The following PPP2CA variants were observed in gnomAD, a reference collection of about 807,000 sequenced individuals.
The protein encoded by PPP2CA is protein phosphatase 2 catalytic subunit alpha.
A neutral mutation model predicts 38.8 loss-of-function variants in PPP2CA; 5 were observed. The observed-to-expected ratio is 0.13, with a 90% CI of 0.07 to 0.27. The LOEUF is 0.27. PPP2CA is among the 10% of genes least tolerant of loss of function. The pLI is 1.00. For missense variants in PPP2CA, 88 were observed against 389.7 expected, an observed-to-expected ratio of 0.23 and a Z score of 6.52; for synonymous variants, 152 against 134.0, an observed-to-expected ratio of 1.13 and a Z score of -0.93.
intron 5 of PPP2CA, 163 bp from the exon 6 acceptor site, chr5:134,199,367 TTA>T: frequency 1.8e-6 from 1 of 564,988 alleles, no homozygotes; most frequent in Non-Finnish European, 3.2e-6. Context: ...CTCCTGTACT[TTA>T]TACAACCTGT....
At chr5:134,204,980 T>TA in intron 2 of PPP2CA, among the ~76,000 whole-genome samples, 1 of 151,490 alleles carries the variant, frequency 6.6e-6, no homozygotes, top group Admixed American at 6.6e-5. Flanking sequence ...TTCCCCAAGT[T>TA]AGAGTGTAGG....
intron 1 of PPP2CA, chr5:134,225,450 C>G (rs1239693964): frequency 3.5e-6 from 1 of 288,900 alleles, no homozygotes; most frequent in Non-Finnish European, 6.6e-6. Context: ...CCCTCAAAAC[C>G]GTCCCTGACG....
intron 5 of PPP2CA, among the ~76,000 whole-genome samples, chr5:134,200,131 T>C (rs1052470031): frequency 2.0e-5 from 3 of 152,246 alleles, no homozygotes; most frequent in Admixed American, 1.3e-4. Context: ...TCTGAAAACA[T>C]GTTAATGGAT....
At chr5:134,204,908 T>C (rs755660446) in intron 2 of PPP2CA, among the ~76,000 whole-genome samples, 5 of 151,244 alleles carry the variant, frequency 3.3e-5, no homozygotes, top group Non-Finnish European at 7.4e-5. Context: ...TCAGAAAAAT[T>C]CTTTTTTTTC....
intron 2 of PPP2CA, 90 bp from the exon 3 acceptor site, chr5:134,202,111 A>G (rs1761979663): frequency 4.5e-6 from 6 of 1,347,392 alleles, no homozygotes; most frequent in Non-Finnish European, 5.0e-6. Context: ...AAATGCAGTT[A>G]CAATTTTGTT....
chr5:134,208,926 T>C (rs1254288384), intron 1 of PPP2CA, among the ~76,000 whole-genome samples: 2 of 152,196 alleles, frequency 1.3e-5, no homozygotes. Context: ...AGGCAGAGTA[T>C]TCCCCTGACC....
chr5:134,214,045 T>C (rs1043710096), intron 1 of PPP2CA, among the ~76,000 whole-genome samples: 1 of 152,030 alleles, frequency 6.6e-6, no homozygotes, highest in Non-Finnish European at 1.5e-5. Flanking sequence ...ATGAGAATTA[T>C]TGGAACCCAG....
chr5:134,212,122 T>TAGTAAC (rs1285529414), intron 1 of PPP2CA, among the ~76,000 whole-genome samples: 38 of 151,482 alleles, frequency 2.5e-4, no homozygotes, highest in South Asian at 6.3e-4. Context: ...ATCTCAAAAA[T>TAGTAAC]AGTAATTTCC....
chr5:134,200,861 G>C (rs1333276669), intron 4 of PPP2CA, 124 bp downstream of exon 4: 1 of 781,648 alleles, frequency 1.3e-6, no homozygotes, highest in East Asian at 2.7e-5. Context: ...GGGCAGACAA[G>C]AGTGCTCACA....
chr5:134,222,341 G>GC (rs1448507840), intron 1 of PPP2CA, among the ~76,000 whole-genome samples: 2 of 152,088 alleles, frequency 1.3e-5, no homozygotes, highest in African/African-American at 4.8e-5. Flanking sequence ...CATACTCACA[G>GC]CAACATATTA....
chr5:134,219,674 C>G (rs1396999500), intron 1 of PPP2CA, among the ~76,000 whole-genome samples: 2 of 152,116 alleles, frequency 1.3e-5, no homozygotes, highest in African/African-American at 2.4e-5. Context: ...AACCACAATC[C>G]ACAACAGACC....
chr5:134,196,517 T>C lies in PPP2CA; in HGVS notation c.*1255A>G, dbSNP rs1348907402. 1 of 152,244 alleles carries C rather than the reference T, an allele frequency of 6.6e-6. No individual in the cohort carries two copies. Among genetic ancestry groups the C allele is most frequent in the Non-Finnish European group, 1.5e-5 (1 of 68,042 alleles). 9.4% of individuals were successfully genotyped at this position (152,244 alleles called of 1,614,324 possible). Reference sequence around the variant, plus strand: ...ACAATAGTTTTCTATTTGGTTTCACTAGTATCACTCAAAGAACTTGACACA... The same window carrying C: ...ACAATAGTTTTCTATTTGGTTTCACCAGTATCACTCAAAGAACTTGACACA... On this transcript the variant is annotated 3_prime_UTR_variant, in exon 7 of 7. Coordinates refer to ENST00000481195, the MANE Select transcript of PPP2CA (RefSeq NM_002715.4).
chr5:134,216,111 G>A (rs1762314845), intron 1 of PPP2CA, among the ~76,000 whole-genome samples: 1 of 152,134 alleles, frequency 6.6e-6, no homozygotes, highest in African/African-American at 2.4e-5. Context: ...ACCAATTCTG[G>A]CACTAAAGTA....
Position 134,214,863 on chromosome 5 carries a change from T to C in PPP2CA, c.103-8732A>G, listed in dbSNP as rs1203225295. On this transcript the variant is annotated intron_variant, in intron 1 of 6. Transcript: ENST00000481195. ...ACAATTATTAAGAAAAGTTATCACG[T>C]CTTGCCATTTTCTAAGAGTTTTTCA... Among the ~76,000 whole-genome samples, 5 of 152,274 alleles carry C rather than the reference T, an allele frequency of 3.3e-5. No homozygotes were observed. In the East Asian group the frequency reaches 9.6e-4, roughly 29 times the overall value.
At chr5:134,203,398 G>C (rs1762009173) in intron 2 of PPP2CA, 1 of 152,192 alleles carries the variant, frequency 6.6e-6, no homozygotes, top group Non-Finnish European at 1.5e-5. Context: ...AAGCATCAGA[G>C]AATAGGTGGC....
At chr5:134,216,537 CAAAAAAAAA>C (rs748030385) in intron 1 of PPP2CA, among the ~76,000 whole-genome samples, 1 of 29,574 alleles carries the variant, frequency 3.4e-5, no homozygotes, top group African/African-American at 1.2e-4. Flanking sequence ...GAGACTGCCT[CAAAAAAAAA>C]AAAAAAAAAA....
At chr5:134,207,209 G>C (rs1485028335) in intron 1 of PPP2CA, among the ~76,000 whole-genome samples, 1 of 152,206 alleles carries the variant, frequency 6.6e-6, no homozygotes, top group African/African-American at 2.4e-5. Flanking sequence ...TTTGAGGCCA[G>C]CCTGGCCATC....
chr5:134,226,046 G>GCTGAGGCTCCAGAGCTCGGCTCT lies in PPP2CA; in HGVS notation c.-208_-186dup. ...GGCCGCTGCGCCTCCTCCTCCGCTC[G>GCTGAGGCTCCAGAGCTCGGCTCT]CTGAGGCTCCAGAGCTCGGCTCTCT... On this transcript the variant is annotated 5_prime_UTR_variant, in exon 1 of 7. Transcript: ENST00000481195. The GCTGAGGCTCCAGAGCTCGGCTCT allele has an allele frequency of 1.9e-6, 1 of 528,428 alleles. No homozygotes were observed. The highest frequency in any genetic ancestry group is 3.3e-6 in the Non-Finnish European group (1 of 301,388). 32.7% of individuals were successfully genotyped at this position (528,428 alleles called of 1,614,324 possible).
Position 134,225,947 on chromosome 5 carries a change from G to A in PPP2CA, c.-86C>T. 2 of 1,258,764 alleles carry A rather than the reference G, an allele frequency of 1.6e-6. No homozygotes were observed. The highest frequency in any genetic ancestry group is 2.5e-5 in the East Asian group (1 of 40,248). The allele number at this position is 1,258,764 out of a possible 1,614,324, so 78.0% of individuals were successfully genotyped here. A position where few individuals can be genotyped will look rare whatever the true frequency, so the allele number is the denominator to read the frequency against. On this transcript the variant is annotated 5_prime_UTR_variant, in exon 1 of 7. Coordinates refer to ENST00000481195, the MANE Select transcript of PPP2CA (RefSeq NM_002715.4). Reference sequence around the variant, plus strand: ...GGGCCTACACGCACACGCCGCCGCCGGTTCCTCGTGTACTTCTGGCGGCTG... The same window carrying A: ...GGGCCTACACGCACACGCCGCCGCCAGTTCCTCGTGTACTTCTGGCGGCTG...
Sources: allele counts gnomAD v4.1 joint callset (sites outside exome capture counted in the v4.1 genomes callset), GRCh38; gene constraint gnomAD v4.1.1; transcripts MANE v1.5; gene names NCBI Gene and HGNC (gene_info 2026-07-23, HGNC 2026-07-21).